GPC6: variants seen among roughly 807,000 people sequenced by gnomAD.
GPC6 encodes the protein glypican 6.
GPC6 carries 14 observed loss-of-function variants against 55.2 expected under a neutral mutation model. The observed-to-expected ratio is 0.25, with a 90% CI of 0.17 to 0.40. The LOEUF is 0.40. GPC6 is among the 10% of genes least tolerant of loss of function. The probability of loss-of-function intolerance (pLI) is 1.00; values close to 1 mark genes in which losing one functional copy is unlikely to be tolerated. For missense variants in GPC6, 641 were observed against 708.5 expected (o/e 0.90, Z 1.08); for synonymous variants, 278 against 259.6 (o/e 1.07, Z -0.68).
intron 3 of GPC6, among the ~76,000 whole-genome samples, chr13:94,015,415 T>C (rs1161804426): frequency 6.6e-6 from 1 of 152,228 alleles, no homozygotes; most frequent in Non-Finnish European, 1.5e-5. Flanking sequence ...ATATGCTGGA[T>C]ACTAGACTCT....
intron 3 of GPC6, among the ~76,000 whole-genome samples, chr13:93,847,504 G>A (rs1366930667): frequency 1.3e-5 from 2 of 152,072 alleles, no homozygotes; most frequent in East Asian, 1.9e-4. Flanking sequence ...TCAGGTAACA[G>A]CCATGAAGCA....
At chr13:94,271,957 T>C (rs144590787) in intron 4 of GPC6, among the ~76,000 whole-genome samples, 10 of 152,356 alleles carry the variant, frequency 6.6e-5, no homozygotes, top group Middle Eastern at 3.4e-3. Flanking sequence ...TTCATTTTTT[T>C]AAAACAATCC....
intron 4 of GPC6, among the ~76,000 whole-genome samples, chr13:94,049,441 T>C (rs1434058353): frequency 6.6e-6 from 1 of 151,998 alleles, no homozygotes; most frequent in East Asian, 1.9e-4. Flanking sequence ...TAACAAATAA[T>C]TTGCCTCAGA....
chr13:93,780,044 T>A (rs1885588833), intron 2 of GPC6, among the ~76,000 whole-genome samples: 2 of 152,084 alleles, frequency 1.3e-5, no homozygotes, highest in Non-Finnish European at 2.9e-5. Context: ...TAGAGATGAA[T>A]ACCTAGATCA....
chr13:93,632,735 C>A (rs997465107), intron 2 of GPC6, among the ~76,000 whole-genome samples: 11 of 151,622 alleles, frequency 7.3e-5, no homozygotes, highest in Admixed American at 7.2e-4. Context: ...AAAACCACTA[C>A]ACCCTTCCAC....
intron 4 of GPC6, among the ~76,000 whole-genome samples, chr13:94,117,434 C>T (rs1021271964): frequency 3.3e-5 from 5 of 152,046 alleles, no homozygotes; most frequent in East Asian, 3.9e-4. Context: ...AAATGTCACT[C>T]GGAATTTGGC....
rs1357808174 is a variant in GPC6 at position 93,648,926 on chromosome 13, G to A, written c.319+103505G>A. 2.6e-5 allele frequency among the ~76,000 whole-genome samples: 4 copies of A among 152,248 alleles called. No homozygotes were observed. In the East Asian group the frequency reaches 5.8e-4, roughly 22 times the overall value. ...TGTAGTACATTAAGGCTTGGTCACT[G>A]TAAATGTCAAAGTACATTCAATAAA... On this transcript the variant is annotated intron_variant, in intron 2 of 8. Transcript: ENST00000377047.
At chr13:93,367,781 T>C (rs747835755) in intron 1 of GPC6, among the ~76,000 whole-genome samples, 1 of 147,492 alleles carries the variant, frequency 6.8e-6, no homozygotes, top group Non-Finnish European at 1.5e-5. Flanking sequence ...TTTGAATCCA[T>C]TGTGGCTAGA....
At chr13:94,122,686 G>A (rs1163825461) in intron 4 of GPC6, among the ~76,000 whole-genome samples, 4 of 152,022 alleles carry the variant, frequency 2.6e-5, no homozygotes, top group Non-Finnish European at 4.4e-5. Flanking sequence ...TCACTACTCT[G>A]CACACGTCAT....
At chr13:94,381,090 A>G (rs538454990) in intron 6 of GPC6, among the ~76,000 whole-genome samples, 1 of 152,310 alleles carries the variant, frequency 6.6e-6, no homozygotes, top group African/African-American at 2.4e-5. Context: ...CACTTGATGA[A>G]GGTGGCAGCC....
chr13:93,337,752 G>T (rs781225864), intron 1 of GPC6, among the ~76,000 whole-genome samples: 3 of 152,186 alleles, frequency 2.0e-5, no homozygotes, highest in Admixed American at 6.5e-5. Flanking sequence ...CAAAGAGAAC[G>T]AATTCTTTTA....
chr13:94,168,790 T>C (rs949095460), intron 4 of GPC6, among the ~76,000 whole-genome samples: 8 of 150,822 alleles, frequency 5.3e-5, no homozygotes, highest in African/African-American at 1.9e-4. Context: ...TTCATGATTT[T>C]ACATTAATTA....
intron 2 of GPC6, among the ~76,000 whole-genome samples, chr13:93,669,514 T>C (rs2139624573): frequency 6.6e-6 from 1 of 152,250 alleles, no homozygotes; most frequent in South Asian, 2.1e-4. Context: ...AAGACAGGCA[T>C]TGGCAAATCA....
intron 3 of GPC6, among the ~76,000 whole-genome samples, chr13:93,965,120 T>G (rs1205862138): frequency 6.9e-6 from 1 of 145,624 alleles, no homozygotes; most frequent in Non-Finnish European, 1.5e-5. Context: ...TTTTTTTTTT[T>G]TTTTTTTTTT....
chr13:93,321,951 C>T (rs1432187878), intron 1 of GPC6, among the ~76,000 whole-genome samples: 2 of 152,104 alleles, frequency 1.3e-5, no homozygotes. Context: ...CAGTCTTCCT[C>T]TTCCTCCCTT....
chr13:93,288,603 G>A (rs7996491), intron 1 of GPC6, among the ~76,000 whole-genome samples: 16,408 of 152,134 alleles, frequency 0.11, 1,137 homozygotes, highest in East Asian at 0.36. Context: ...TTTTAAAAAG[G>A]CACTTCATAA....
intron 2 of GPC6, among the ~76,000 whole-genome samples, chr13:93,561,426 T>TATATATATATATATATCTA (rs61094312): frequency 7.0e-6 from 1 of 143,498 alleles, no homozygotes; most frequent in Non-Finnish European, 1.5e-5. Flanking sequence ...TATATATATA[T>TATATATATATATATATCTA]TTGTTGCAGT....
chr13:94,067,810 A>T (rs1009549319), intron 4 of GPC6, among the ~76,000 whole-genome samples: 3 of 152,158 alleles, frequency 2.0e-5, no homozygotes, highest in Admixed American at 6.5e-5. Flanking sequence ...GGTCAAATGG[A>T]TAGGGTGGAA....
chr13:94,025,410 T>G (rs78732074), intron 3 of GPC6: 2 of 121,214 alleles, frequency 1.6e-5, no homozygotes, highest in Non-Finnish European at 3.3e-5. Flanking sequence ...CTTTTTCCTG[T>G]TTTTTTTTTT....
Sources: allele counts gnomAD v4.1 joint callset (sites outside exome capture counted in the v4.1 genomes callset), GRCh38; gene constraint gnomAD v4.1.1; transcripts MANE v1.5; gene names NCBI Gene and HGNC (gene_info 2026-07-23, HGNC 2026-07-21).